Variants in TMOD2 observed in about 807,000 individuals in gnomAD.
TMOD2 encodes the protein tropomodulin 2.
In TMOD2, 22 loss-of-function variants were observed where a neutral mutation model predicts 39.9. The ratio of observed to expected loss-of-function variants is 0.55; its 90% CI spans 0.39 to 0.79. The LOEUF (loss-of-function observed/expected upper bound fraction) is 0.79. Ranked by LOEUF, TMOD2 falls within the 30% of genes least tolerant of loss-of-function variation. TMOD2 has a pLI of 0.00. For synonymous variants in TMOD2, 123 were observed against 146.1 expected, an observed-to-expected ratio of 0.84 and a Z score of 1.14; for missense variants, 386 against 413.3, an observed-to-expected ratio of 0.93 and a Z score of 0.57.
chr15:51,797,660 T>C (rs954648056), intron 7 of TMOD2, among the ~76,000 whole-genome samples: 8 of 152,170 alleles, frequency 5.3e-5, no homozygotes, highest in African/African-American at 1.7e-4. Context: ...AACTGGAGTC[T>C]CCCATGGGTT....
At chr15:51,786,449 A>C (rs2055970678) in intron 7 of TMOD2, among the ~76,000 whole-genome samples, 1 of 152,194 alleles carries the variant, frequency 6.6e-6, no homozygotes, top group Admixed American at 6.5e-5. Flanking sequence ...TATTTTTAGA[A>C]TCAGTGAAGC....
intron 7 of TMOD2, among the ~76,000 whole-genome samples, chr15:51,791,075 G>T (rs973807540): frequency 6.6e-6 from 1 of 152,186 alleles, no homozygotes; most frequent in African/African-American, 2.4e-5. Flanking sequence ...GTCTCTGTTT[G>T]CAGATAACAT....
intron 7 of TMOD2, among the ~76,000 whole-genome samples, chr15:51,785,703 GT>G (rs1396921058): frequency 1.3e-5 from 2 of 152,212 alleles, no homozygotes; most frequent in South Asian, 4.1e-4. Flanking sequence ...AGAGAAGTTG[GT>G]TAAGAGGTAC....
Position 51,811,799 on chromosome 15 carries a change from A to T in TMOD2, c.*3345A>T, listed in dbSNP as rs1019757869. 1 of 152,118 alleles carries T rather than the reference A, an allele frequency of 6.6e-6. No homozygotes were observed. The highest frequency in any genetic ancestry group is 6.6e-5 in the Admixed American group (1 of 15,266). 9.4% of individuals were successfully genotyped at this position (152,118 alleles called of 1,614,324 possible). A position where few individuals can be genotyped will look rare whatever the true frequency, so the allele number is the denominator to read the frequency against. ...TAGAATTGCTGCAGGCCCAGGTTAA[A>T]TATGAAATTACTCCCTAGGCTTTGC... is the stretch of plus-strand genomic sequence containing the variant. On this transcript the variant is annotated 3_prime_UTR_variant, in exon 10 of 10. Transcript: ENST00000249700.
chr15:51,789,998 A>G (rs2055999147), intron 7 of TMOD2, among the ~76,000 whole-genome samples: 4 of 152,184 alleles, frequency 2.6e-5, no homozygotes, highest in Non-Finnish European at 5.9e-5. Flanking sequence ...AAAACAAGAA[A>G]TAACTAAGAT....
At chr15:51,791,084 A>G (rs892911846) in intron 7 of TMOD2, among the ~76,000 whole-genome samples, 19 of 152,366 alleles carry the variant, frequency 1.2e-4, no homozygotes, top group Non-Finnish European at 2.4e-4. Flanking sequence ...TGCAGATAAC[A>G]TGATTGTATA....
intron 7 of TMOD2, among the ~76,000 whole-genome samples, chr15:51,792,126 TA>T (rs2056016587): frequency 6.6e-6 from 1 of 152,198 alleles, no homozygotes; most frequent in Non-Finnish European, 1.5e-5. Flanking sequence ...GACAAAGGGC[TA>T]ATATCCAGAA....
chr15:51,753,388 C>T (rs1024613584), intron 1 of TMOD2, among the ~76,000 whole-genome samples: 1 of 152,146 alleles, frequency 6.6e-6, no homozygotes, highest in Non-Finnish European at 1.5e-5. Context: ...CTGCGAGTCT[C>T]CCGTTGTGAA....
At chr15:51,807,436 T>C (rs906751943) in intron 9 of TMOD2, among the ~76,000 whole-genome samples, 1 of 152,140 alleles carries the variant, frequency 6.6e-6, no homozygotes, top group African/African-American at 2.4e-5. Context: ...AAAGGTGCAG[T>C]GTGTGGCATC....
chr15:51,761,901 A>G (rs2055783392), intron 1 of TMOD2, among the ~76,000 whole-genome samples: 1 of 152,248 alleles, frequency 6.6e-6, no homozygotes, highest in African/African-American at 2.4e-5. Context: ...TAATCCCAGC[A>G]CTTTGGGAGG....
intron 7 of TMOD2, among the ~76,000 whole-genome samples, chr15:51,791,428 G>T (rs1295404287): frequency 2.0e-5 from 3 of 152,126 alleles, no homozygotes; most frequent in Non-Finnish European, 4.4e-5. Context: ...TGGCCACACT[G>T]CCCAAAGTAA....
At chr15:51,798,453 G>A (rs2056067112) in intron 8 of TMOD2, 113 bp downstream of exon 8, 2 of 1,281,056 alleles carry the variant, frequency 1.6e-6, no homozygotes, top group South Asian at 1.4e-5. Context: ...TCAATTTGAT[G>A]TACTGGATTT....
chr15:51,802,887 G>T (rs2141643040), intron 8 of TMOD2, among the ~76,000 whole-genome samples: 1 of 152,322 alleles, frequency 6.6e-6, no homozygotes, highest in African/African-American at 2.4e-5. Flanking sequence ...GTTGCTGGAT[G>T]ACAAGAAAGA....
intron 7 of TMOD2, among the ~76,000 whole-genome samples, chr15:51,788,829 A>G (rs945107508): frequency 2.6e-5 from 4 of 152,328 alleles, no homozygotes; most frequent in South Asian, 2.1e-4. Flanking sequence ...TCACCACCAG[A>G]CCTGCCTTAC....
rs73407332 is a variant in TMOD2, at chr15:51,761,441, T to C, written c.-69-4932T>C. 9.3e-3 allele frequency among the ~76,000 whole-genome samples: 1,413 copies of C among 152,156 alleles called. 15 individuals are homozygous for C. The highest frequency in any genetic ancestry group is 0.019 in the African/African-American group (777 of 41,496). Reference sequence around the variant, plus strand: ...GAGAATCCAGCAATAGAAATCCAAATAGAGGCTGGGCACTGTGGCTCATGC... The same window carrying C: ...GAGAATCCAGCAATAGAAATCCAAACAGAGGCTGGGCACTGTGGCTCATGC... On this transcript the variant is annotated intron_variant, in intron 1 of 9. Transcript: ENST00000249700.
intron 1 of TMOD2, among the ~76,000 whole-genome samples, chr15:51,764,664 T>C (rs926622702): frequency 2.0e-5 from 3 of 152,226 alleles, no homozygotes; most frequent in Middle Eastern, 3.4e-3. Flanking sequence ...CCCTCGTCTT[T>C]AGTTCTTTCC....
chr15:51,800,396 T>C (rs2414119), intron 8 of TMOD2, among the ~76,000 whole-genome samples: 68,080 of 152,038 alleles, frequency 0.45, 15,505 homozygotes, highest in Admixed American at 0.53. Context: ...ATTACCCAGG[T>C]GTGGTGGCAC....
At chr15:51,777,989 A>G (rs1045758995) in intron 5 of TMOD2, among the ~76,000 whole-genome samples, 36 of 151,922 alleles carry the variant, frequency 2.4e-4, no homozygotes, top group African/African-American at 8.7e-4. Flanking sequence ...ATTACTGGGT[A>G]TATACCCAAA....
intron 4 of TMOD2, 116 bp downstream of exon 4, chr15:51,773,950 C>G (rs1318303248): frequency 8.4e-7 from 1 of 1,195,190 alleles, no homozygotes; most frequent in Non-Finnish European, 1.2e-6. Flanking sequence ...CAGGTTGACA[C>G]AAGGCATTAT....
Sources: allele counts gnomAD v4.1 joint callset (sites outside exome capture counted in the v4.1 genomes callset), GRCh38; gene constraint gnomAD v4.1.1; transcripts MANE v1.5; gene names NCBI Gene and HGNC (gene_info 2026-07-23, HGNC 2026-07-21).